ZSCAN30: variants seen among roughly 807,000 people sequenced by gnomAD.
ZSCAN30 encodes zinc finger and SCAN domain-containing protein 30.
In ZSCAN30, 37 loss-of-function variants were observed where a neutral mutation model predicts 44.3. That is an observed-to-expected ratio of 0.84 (90% confidence interval 0.64 to 1.10). The LOEUF (loss-of-function observed/expected upper bound fraction) is 1.10, where lower values mean the gene tolerates loss of function less well. ZSCAN30 is among the 50% of genes least tolerant of loss of function. ZSCAN30 has a pLI of 0.00. For missense variants in ZSCAN30, 549 were observed against 582.6 expected (o/e 0.94, Z 0.59); for synonymous variants, 181 against 204.6 (o/e 0.88, Z 0.98).
At position 35,264,418 on chromosome 18, in the gene ZSCAN30, G is replaced by A; in HGVS notation, c.-66C>T. On this transcript the variant is annotated 5_prime_UTR_variant, in exon 2 of 4. Coordinates refer to ENST00000333206, the MANE Select transcript of ZSCAN30 (RefSeq NM_001112734.4). ...AGGGAGGAGATGGAGATTTGCGTCT[G>A]AGAGATTCCTTCTGAATTCCAACTC... 1 of 1,518,512 alleles carries A rather than the reference G, an allele frequency of 6.6e-7. No homozygotes were observed. The highest frequency in any genetic ancestry group is 8.9e-7 in the Non-Finnish European group (1 of 1,126,374). 94.1% of individuals were successfully genotyped at this position (1,518,512 alleles called of 1,614,324 possible). A position where few individuals can be genotyped will look rare whatever the true frequency, so the allele number is the denominator to read the frequency against.
In ZSCAN30 at chr18:35,254,250, A is replaced by G. The variant is rs897053299; in HGVS notation, c.685T>C (p.Leu229=). The change falls in exon 4 of 4, where the codon TTG becomes CTG. Residue 229 remains leucine (L), a synonymous_variant. Coordinates refer to ENST00000333206, the MANE Select transcript of ZSCAN30 (RefSeq NM_001112734.4). The stretch of plus-strand genomic sequence containing the variant: ...TTCTTAGAGTTGTCCAGACCTCCCA[A>G]AGCTTCTTCAGCTATCCGTTGGGAA... ...THSQRIAEEA[L]GGLDNSKKQK... 8 of 1,613,938 alleles carry G rather than the reference A, an allele frequency of 5.0e-6. No individual in the cohort carries two copies. In the African/African-American group the frequency reaches 8.0e-5, roughly 16 times the overall value.
rs117336632 is a variant in ZSCAN30, at chr18:35,278,708, A to T, written c.-104+11376T>A. Among the ~76,000 whole-genome samples the T allele has an allele frequency of 2.2e-4, 34 of 152,284 alleles. No individual in the cohort carries two copies. In the East Asian group the frequency reaches 6.6e-3, roughly 29 times the overall value. On this transcript the variant is annotated intron_variant, in intron 1 of 3. Coordinates refer to ENST00000333206, the MANE Select transcript of ZSCAN30 (RefSeq NM_001112734.4). ...TATCTCTTTCCTCTCATATTTTACC[A>T]TAAGAAGGAAGGAAAAAACAAGCTA... is the stretch of plus-strand genomic sequence containing the variant.
chr18:35,280,150 C>G (rs1445866415), intron 1 of ZSCAN30, among the ~76,000 whole-genome samples: 1 of 151,904 alleles, frequency 6.6e-6, no homozygotes, highest in African/African-American at 2.4e-5. Context: ...GTGGCATGCG[C>G]CTATATTCCC....
intron 1 of ZSCAN30, chr18:35,284,269 C>A (rs957216968): frequency 1.3e-5 from 2 of 152,422 alleles, no homozygotes; most frequent in African/African-American, 4.8e-5. Flanking sequence ...TGGCCATGGG[C>A]AGGTCCAAGA....
chr18:35,283,419 C>A (rs1598655716), intron 1 of ZSCAN30: 1 of 152,386 alleles, frequency 6.6e-6, no homozygotes, highest in African/African-American at 2.4e-5. Flanking sequence ...GGTGCCTTTG[C>A]CTGAGTTTTG....
chr18:35,261,831 T>C (rs1010471994), intron 3 of ZSCAN30: 2 of 152,222 alleles, frequency 1.3e-5, no homozygotes, highest in Admixed American at 6.5e-5. Flanking sequence ...GATCATATTA[T>C]CTGCAAATAG....
At chr18:35,277,262 T>C (rs1020338059) in intron 1 of ZSCAN30, among the ~76,000 whole-genome samples, 1 of 152,214 alleles carries the variant, frequency 6.6e-6, no homozygotes, top group Admixed American at 6.5e-5. Context: ...TTTGGACTTT[T>C]GGGTTAATGC....
chr18:35,270,664 T>TCCCC (rs1406495097), intron 1 of ZSCAN30, among the ~76,000 whole-genome samples: 2 of 152,132 alleles, frequency 1.3e-5, no homozygotes, highest in Non-Finnish European at 2.9e-5. Flanking sequence ...CACTGCAACC[T>TCCCC]CCCCCTCCGC....
intron 1 of ZSCAN30, among the ~76,000 whole-genome samples, chr18:35,274,344 C>T (rs146770133): frequency 1.2e-4 from 18 of 152,258 alleles, no homozygotes; most frequent in Non-Finnish European, 2.1e-4. Context: ...GCCGAAGGTA[C>T]TCCTCTTCTA....
chr18:35,262,844 T>G (rs2044054711), intron 3 of ZSCAN30: 1 of 152,722 alleles, frequency 6.5e-6, no homozygotes, highest in South Asian at 2.0e-4. Context: ...TCCTGCAAAT[T>G]TGTTCTTACC....
Position 35,264,212 on chromosome 18 carries a change from G to A in ZSCAN30, c.141C>T (p.Phe47=), listed in dbSNP as rs1179769472. 1 of 1,614,180 alleles carries A rather than the reference G, an allele frequency of 6.2e-7. No individual in the cohort carries two copies. Among genetic ancestry groups the A allele is most frequent in the South Asian group, 1.1e-5 (1 of 91,078 alleles). The change falls in exon 2 of 4, where the codon TTC becomes TTT. Residue 47 remains phenylalanine (F), a synonymous_variant. Coordinates refer to ENST00000333206, the MANE Select transcript of ZSCAN30 (RefSeq NM_001112734.4). ...AACTAAACTGCCTGAACTTCTGCCG[G>A]AATACCTCTTGGCTCCAGGGGTTTT... ...LQENPWSQEV[F]RQKFRQFSYS...
chr18:35,256,536 A>C (rs374897090), intron 3 of ZSCAN30, among the ~76,000 whole-genome samples: 9 of 152,240 alleles, frequency 5.9e-5, no homozygotes, highest in African/African-American at 1.9e-4. Context: ...ATGACAGAAC[A>C]AGACTGTCTC....
At chr18:35,282,523 C>A (rs562809645) in intron 1 of ZSCAN30, 5 of 152,036 alleles carry the variant, frequency 3.3e-5, no homozygotes. Flanking sequence ...ACAGTTTGGG[C>A]GGGCCAAAAA....
rs1407046176 is a variant in ZSCAN30 at position 35,251,078 on chromosome 18, T to G, written c.*2372A>C. Reference sequence around the variant, plus strand: ...AAAGCAAACTTTTAAAACTCAAGTTTTATTGCAATACATCTTGCATTACAT... The same window carrying G: ...AAAGCAAACTTTTAAAACTCAAGTTGTATTGCAATACATCTTGCATTACAT... On this transcript the variant is annotated 3_prime_UTR_variant, in exon 4 of 4. Coordinates refer to ENST00000333206, the MANE Select transcript of ZSCAN30 (RefSeq NM_001112734.4). 6.6e-6 allele frequency: 1 copy of G among 152,236 alleles called. No homozygotes were observed. Among genetic ancestry groups the G allele is most frequent in the African/African-American group, 2.4e-5 (1 of 41,458 alleles). The allele number at this position is 152,236 out of a possible 1,614,324, so 9.4% of individuals were successfully genotyped here. A position where few individuals can be genotyped will look rare whatever the true frequency, so the allele number is the denominator to read the frequency against.
At chr18:35,289,400 T>A (rs1035616085) in intron 1 of ZSCAN30, 11 of 152,284 alleles carry the variant, frequency 7.2e-5, no homozygotes, top group Middle Eastern at 3.4e-3. Flanking sequence ...ATTTCATATA[T>A]CCCAACAGGG....
At chr18:35,272,388 A>C (rs1279721992) in intron 1 of ZSCAN30, among the ~76,000 whole-genome samples, 1 of 142,744 alleles carries the variant, frequency 7.0e-6, no homozygotes, top group African/African-American at 2.6e-5. Flanking sequence ...CGCTCTGTGG[A>C]CCAGGCTGCA....
chr18:35,287,928 C>T (rs920196632), intron 1 of ZSCAN30, among the ~76,000 whole-genome samples: 2 of 150,436 alleles, frequency 1.3e-5, no homozygotes, highest in Non-Finnish European at 3.0e-5. Flanking sequence ...GCTGGAGTAC[C>T]GTGGCATGAT....
chr18:35,258,022 A>G, intron 3 of ZSCAN30: 1 of 780,500 alleles, frequency 1.3e-6, no homozygotes, highest in South Asian at 1.3e-5. Context: ...AGGCTAGTGA[A>G]GCACCTACAA....
In ZSCAN30 at chr18:35,273,234, T is replaced by A. The variant is rs1193008791; in HGVS notation, c.-103-8779A>T. Among the ~76,000 whole-genome samples, 8 of 152,370 alleles carry A rather than the reference T, an allele frequency of 5.3e-5. No individual in the cohort carries two copies. The East Asian group carries it at 1.5e-3, about 29-fold the overall frequency. On this transcript the variant is annotated intron_variant, in intron 1 of 3. Transcript: ENST00000333206. ...CCTGAGCCCCTGGCAACCACCATTC[T>A]ACTTTCTGTCTCTATAAATTTGACT...
Sources: allele counts gnomAD v4.1 joint callset (sites outside exome capture counted in the v4.1 genomes callset), GRCh38; gene constraint gnomAD v4.1.1; transcripts MANE v1.5; gene names NCBI Gene and HGNC (gene_info 2026-07-23, HGNC 2026-07-21).